USP9X: variants seen among roughly 807,000 people sequenced by gnomAD.
The protein encoded by USP9X is ubiquitin carboxyl-terminal hydrolase 9X.
In USP9X, 7 loss-of-function variants were observed where a neutral mutation model predicts 190.3. The observed-to-expected ratio is 0.04, with a 90% CI of 0.02 to 0.07. The LOEUF (loss-of-function observed/expected upper bound fraction) is 0.07. Ranked by LOEUF, USP9X falls within the 10% of genes least tolerant of loss-of-function variation. The pLI, the probability that USP9X is intolerant of heterozygous loss-of-function variation, is 1.00. For synonymous variants in USP9X, 645 were observed against 659.5 expected, an observed-to-expected ratio of 0.98 and a Z score of 0.34; for missense variants, 1,010 against 1,916.9, an observed-to-expected ratio of 0.53 and a Z score of 8.83.
intron 4 of USP9X, among the ~76,000 whole-genome samples, chrX:41,133,718 C>T (rs1360165275): frequency 3.6e-5 from 4 of 111,991 alleles, no homozygotes; most frequent in Non-Finnish European, 7.5e-5. Context: ...TGGCTTATTT[C>T]ACTTACCATG....
chrX:41,133,715 T>C (rs948871380), intron 4 of USP9X, among the ~76,000 whole-genome samples: 1 of 112,192 alleles, frequency 8.9e-6, no homozygotes, highest in East Asian at 2.8e-4. Context: ...GCTTGGCTTA[T>C]TTCACTTACC....
At chrX:41,161,021 A>G (rs1018088560) in intron 14 of USP9X, among the ~76,000 whole-genome samples, 4 of 111,304 alleles carry the variant, frequency 3.6e-5, no homozygotes, top group Admixed American at 1.9e-4. Context: ...AATGTTACTA[A>G]GTAACCTATA....
intron 13 of USP9X, among the ~76,000 whole-genome samples, chrX:41,152,207 T>C (rs759185551): frequency 3.6e-5 from 4 of 112,003 alleles, no homozygotes; most frequent in East Asian, 2.8e-4. Flanking sequence ...CTGTAAGAAA[T>C]TGAGACATAT....
intron 4 of USP9X, among the ~76,000 whole-genome samples, chrX:41,132,933 G>A (rs1360808715): frequency 9.0e-6 from 1 of 111,277 alleles, no homozygotes; most frequent in East Asian, 2.8e-4. Context: ...GTCTACTTTA[G>A]GTGCAGTTGA....
At chrX:41,182,775 A>G (rs1222560106) in intron 21 of USP9X, among the ~76,000 whole-genome samples, 2 of 111,281 alleles carry the variant, frequency 1.8e-5, no homozygotes, top group Non-Finnish European at 3.8e-5. Flanking sequence ...GAAGATATTT[A>G]TAAATATTTT....
chrX:41,146,527 C>G (rs1020999299), intron 11 of USP9X, among the ~76,000 whole-genome samples: 16 of 111,422 alleles, frequency 1.4e-4, no homozygotes, highest in East Asian at 5.6e-4. Flanking sequence ...AGCACTTGTT[C>G]TTGTCAGAGT....
At chrX:41,163,480 G>T (rs1165460407) in intron 15 of USP9X, among the ~76,000 whole-genome samples, 2 of 111,168 alleles carry the variant, frequency 1.8e-5, no homozygotes, top group African/African-American at 6.6e-5. Context: ...GGTCAGGCAC[G>T]GTGGCTCACA....
intron 30 of USP9X, among the ~76,000 whole-genome samples, chrX:41,200,329 T>TA (rs2063030884): frequency 8.9e-6 from 1 of 111,927 alleles, no homozygotes; most frequent in South Asian, 3.7e-4. Flanking sequence ...CAGAAATATT[T>TA]ACCTAATTCC....
intron 21 of USP9X, among the ~76,000 whole-genome samples, chrX:41,174,244 A>G (rs1343082127): frequency 1.8e-5 from 2 of 112,098 alleles, no homozygotes; most frequent in Admixed American, 9.4e-5. Context: ...TAATTTATAC[A>G]GGAAGATGTG....
intron 4 of USP9X, among the ~76,000 whole-genome samples, chrX:41,133,689 A>C (rs2062344778): frequency 8.9e-6 from 1 of 111,959 alleles, no homozygotes; most frequent in African/African-American, 3.2e-5. Context: ...AGCACATGTG[A>C]TGTTTGTCTT....
intron 14 of USP9X, among the ~76,000 whole-genome samples, chrX:41,160,413 T>C (rs892859755): frequency 1.3e-4 from 14 of 110,586 alleles, no homozygotes; most frequent in African/African-American, 4.6e-4. Flanking sequence ...AGGCATCTTA[T>C]TTCTTGACTT....
chrX:41,197,292 C>T (rs1212689352), intron 28 of USP9X, 72 bp from the exon 29 acceptor site: 10 of 796,699 alleles, frequency 1.3e-5, no homozygotes, highest in Non-Finnish European at 1.4e-5. Context: ...TCCTCTCTCC[C>T]TCTTTACCTC....
chrX:41,183,786 T>C (rs1429229840), intron 21 of USP9X, among the ~76,000 whole-genome samples: 1 of 110,892 alleles, frequency 9.0e-6, no homozygotes, highest in African/African-American at 3.3e-5. Context: ...TGAGAGTAAC[T>C]GATTAAAGAG....
intron 11 of USP9X, 119 bp downstream of exon 11, chrX:41,144,745 G>T (rs2062450673): frequency 1.8e-6 from 1 of 550,219 alleles, no homozygotes; most frequent in African/African-American, 2.4e-5. Flanking sequence ...ACAGTCTGTG[G>T]TGTGAAGGAA....
At position 41,153,009 on chromosome X, in the gene USP9X, A is replaced by C. The variant is rs762386721; in HGVS notation, c.1825A>C (p.Asn609His). Residue 609 changes from asparagine (N) to histidine (H), a missense_variant, in exon 14 of 45, where the codon AAT becomes CAT. This residue lies in a region of USP9X where 104 missense variants were observed against 239.8 expected (regional missense o/e 0.43). Transcript: ENST00000378308. The stretch of plus-strand genomic sequence containing the variant: ...TGACTTAATCAATCAACTTCAACAC[A>C]ATCATGCCCTAGTTACTTTGGTAGC... Reference protein sequence around the residue: ...RHDLINQLQHNHALVTLVAEN... With the variant: ...RHDLINQLQHHHALVTLVAEN... The C allele has an allele frequency of 8.3e-7, 1 of 1,209,361 alleles. No individual in the cohort carries two copies. The highest frequency in any genetic ancestry group is 1.8e-5 in the South Asian group (1 of 56,698).
chrX:41,163,435 C>T (rs771318328), intron 15 of USP9X, among the ~76,000 whole-genome samples: 3 of 110,962 alleles, frequency 2.7e-5, no homozygotes, highest in Non-Finnish European at 5.7e-5. Context: ...ATACACTTAA[C>T]AGATGTGCAA....
chrX:41,123,455 C>T lies in USP9X; in HGVS notation c.-158-16C>T, dbSNP rs1350198454. On this transcript the variant is annotated splice_polypyrimidine_tract_variant and intron_variant, in intron 1 of 44. Transcript: ENST00000378308. The stretch of plus-strand genomic sequence containing the variant: ...TATATCTAAAACCAATTACTTTTTC[C>T]CCTTTCTATTTGTAGGTTATGCAAT... 5 of 420,565 alleles carry T rather than the reference C, an allele frequency of 1.2e-5. No homozygotes were observed. Among genetic ancestry groups the T allele is most frequent in the Admixed American group, 8.8e-5 (2 of 22,717 alleles). 34.7% of individuals were successfully genotyped at this position (420,565 alleles called of 1,213,427 possible).
At chrX:41,126,900 T>A (rs1052378477) in intron 2 of USP9X, among the ~76,000 whole-genome samples, 2 of 111,175 alleles carry the variant, frequency 1.8e-5, no homozygotes, top group Admixed American at 9.6e-5. Flanking sequence ...TAATTTTTTT[T>A]AAGCATGCCT....
chrX:41,217,393 T>G, intron 36 of USP9X, 50 bp downstream of exon 36: 3 of 1,138,689 alleles, frequency 2.6e-6, no homozygotes, highest in South Asian at 2.2e-5. Context: ...TTGGTTTGCT[T>G]CTTTAATAGA....
Sources: allele counts gnomAD v4.1 joint callset (sites outside exome capture counted in the v4.1 genomes callset), GRCh38; gene constraint gnomAD v4.1.1; regional missense constraint gnomAD v4.1.1; transcripts MANE v1.5; gene names NCBI Gene and HGNC (gene_info 2026-07-23, HGNC 2026-07-21).